Variants in SLC4A1 observed in about 807,000 individuals in gnomAD.
The protein encoded by SLC4A1 is band 3 anion transport protein.
In SLC4A1, 29 loss-of-function variants were observed where a neutral mutation model predicts 93.1. That is an observed-to-expected ratio of 0.31 (90% CI 0.23 to 0.42). SLC4A1 has a LOEUF of 0.42. Among genes scored for constraint, SLC4A1 ranks in the 20% least tolerant of loss-of-function variants. SLC4A1 has a pLI of 1.00. For synonymous variants in SLC4A1, 469 were observed against 497.2 expected (o/e 0.94, Z 0.76); for missense variants, 965 against 1,190.1 (o/e 0.81, Z 2.78).
chr17:44,258,223 G>T lies in SLC4A1; in HGVS notation c.1088-43C>A, dbSNP rs750927744. 6.3e-6 allele frequency: 10 copies of T among 1,585,374 alleles called. No individual in the cohort carries two copies. In the Admixed American group the frequency reaches 1.5e-4, roughly 24 times the overall value. ...AGCATGGTCAGAGGGAGTAGCTGGA[G>T]GAGGTGAGGGGAAAGGGGACTGGAG... is the stretch of plus-strand genomic sequence containing the variant. On this transcript the variant is annotated intron_variant, in intron 10 of 19. Coordinates refer to ENST00000262418, the MANE Select transcript of SLC4A1 (RefSeq NM_000342.4). The surrounding 1 kb of genome is among the most constrained non-coding windows in gnomAD (Gnocchi z 6.1).
chr17:44,256,477 A>G (rs1461435741), intron 13 of SLC4A1, among the ~76,000 whole-genome samples: 7 of 152,220 alleles, frequency 4.6e-5, no homozygotes, highest in Non-Finnish European at 8.8e-5. Flanking sequence ...GGGACAACAC[A>G]TAGGGCTCAC....
In SLC4A1 at chr17:44,267,158, A is replaced by G. The variant is rs571113211; in HGVS notation, c.-69+896T>C. On this transcript the variant is annotated intron_variant, in intron 1 of 19. Transcript: ENST00000262418. Reference sequence around the variant, plus strand: ...CCTGACTCCAGCCACATCCCTAAGCACTATGCTAAGTTGCCTCCAACAAAA... The same window carrying G: ...CCTGACTCCAGCCACATCCCTAAGCGCTATGCTAAGTTGCCTCCAACAAAA... Among the ~76,000 whole-genome samples the G allele has an allele frequency of 1.4e-4, 22 of 152,310 alleles. No homozygotes were observed. In the South Asian group the frequency reaches 4.4e-3, roughly 30 times the overall value.
intron 13 of SLC4A1, among the ~76,000 whole-genome samples, chr17:44,256,910 C>T (rs2047394045): frequency 6.6e-6 from 1 of 152,086 alleles, no homozygotes; most frequent in Non-Finnish European, 1.5e-5. Context: ...GTCATGTGCA[C>T]AGTCACATGG....
At chr17:44,254,457 T>TGCCCC in intron 16 of SLC4A1, 39 bp downstream of exon 16, 10 of 1,282,712 alleles carry the variant, frequency 7.8e-6, no homozygotes, top group Non-Finnish European at 6.7e-6. Context: ...GGTCCCTGCC[T>TGCCCC]CCCACCCTCC....
chr17:44,257,582 T>G, intron 12 of SLC4A1, 38 bp from the exon 13 acceptor site: 1 of 1,612,816 alleles, frequency 6.2e-7, no homozygotes, highest in Non-Finnish European at 8.5e-7. Context: ...AGTCAAAGGG[T>G]CTTGGGGCAA....
rs111683448 is a variant in SLC4A1, at chr17:44,258,662, C to T, written c.877-39G>A. On this transcript the variant is annotated intron_variant, in intron 9 of 19. Transcript: ENST00000262418. The surrounding 1 kb of genome is among the most constrained non-coding windows in gnomAD (Gnocchi z 6.1). ...ACAGGGTCAGAGCTGCCCGGACCTG[C>T]GGAGGGAAAGGACCCAGGAGTCCAC... 34 of 1,549,040 alleles carry T rather than the reference C, an allele frequency of 2.2e-5. No individual in the cohort carries two copies. Among genetic ancestry groups the T allele is most frequent in the African/African-American group, 8.2e-5 (6 of 72,992 alleles).
intron 16 of SLC4A1, 68 bp downstream of exon 16, chr17:44,254,428 T>G (rs2047370280): frequency 6.6e-7 from 1 of 1,505,000 alleles, no homozygotes; most frequent in African/African-American, 1.4e-5. Context: ...CTTGCCTGCC[T>G]GGGAGAATGC....
In SLC4A1 at chr17:44,260,783, G is replaced by A. The variant is rs768773486; in HGVS notation, c.201C>T (p.Asp67=). 17 of 1,613,286 alleles carry A rather than the reference G, an allele frequency of 1.1e-5. No homozygotes were observed. The highest frequency in any genetic ancestry group is 5.3e-5 in the African/African-American group (4 of 74,914). The change falls in exon 5 of 20, where the codon GAC becomes GAT. Residue 67 remains aspartate, a synonymous_variant. Coordinates refer to ENST00000262418, the MANE Select transcript of SLC4A1 (RefSeq NM_000342.4). ...TCCATCTCAGCTCCTGGTTCTTTTC[G>A]TCCATCACCAGCTCCTGCAGCTCCA... The part of the protein sequence containing the change: ...VYVELQELVM[D]EKNQELRWME...
In SLC4A1 at chr17:44,260,705, G is replaced by A. The variant is rs552527060; in HGVS notation, c.279C>T (p.Ala93=). ...QLEENLGENG[A]WGRPHLSHLT... ...GGTGAGAGAGGTGCGGGCGGCCCCAGGCCCCATTCTCCCCCAGGTTCTCCT... is the reference window on the plus strand; with the variant it reads ...GGTGAGAGAGGTGCGGGCGGCCCCAAGCCCCATTCTCCCCCAGGTTCTCCT... The change falls in exon 5 of 20, where the codon GCC becomes GCT. Residue 93 remains alanine, a synonymous_variant. Coordinates refer to ENST00000262418, the MANE Select transcript of SLC4A1 (RefSeq NM_000342.4). 20 of 1,614,160 alleles carry A rather than the reference G, an allele frequency of 1.2e-5. No homozygotes were observed. The African/African-American group carries it at 2.0e-4, about 16-fold the overall frequency.
intron 19 of SLC4A1, among the ~76,000 whole-genome samples, chr17:44,250,792 C>T (rs763901059): frequency 2.0e-5 from 3 of 152,184 alleles, no homozygotes; most frequent in Non-Finnish European, 4.4e-5. Context: ...TTCACCAAGG[C>T]GGCCCCACAG....
At position 44,251,489 on chromosome 17, in the gene SLC4A1, T is replaced by C; in HGVS notation, c.2411A>G (p.Gln804Arg). The C allele has an allele frequency of 6.2e-7, 1 of 1,614,154 alleles. No individual in the cohort carries two copies. Among genetic ancestry groups the C allele is most frequent in the Non-Finnish European group, 8.5e-7 (1 of 1,180,026 alleles). ...CAGAAGCAAGATGCGGTCAAAGAGCTGGATGCCGCTGAGCGACGTGACCCC... is the reference window on the plus strand; with the variant it reads ...CAGAAGCAAGATGCGGTCAAAGAGCCGGATGCCGCTGAGCGACGTGACCCC... ...YMGVTSLSGIQLFDRILLLFK... is the reference protein window; with the variant it reads ...YMGVTSLSGIRLFDRILLLFK... Residue 804 changes from glutamine to arginine, a missense_variant, in exon 18 of 20, where the codon CAG (glutamine) becomes CGG (arginine). Physicochemically the swap from Gln to Arg is conservative, Grantham distance 43 (BLOSUM62 1). This residue lies in a region of SLC4A1 where 770 missense variants were observed against 1,006.6 expected (regional missense o/e 0.76). Transcript: ENST00000262418.
rs779268657 is a variant in SLC4A1 at position 44,254,483 on chromosome 17, C to T, written c.2057+13G>A. The T allele has an allele frequency of 1.3e-6, 2 of 1,595,454 alleles. No homozygotes were observed. Among genetic ancestry groups the T allele is most frequent in the South Asian group, 2.2e-5 (2 of 90,664 alleles). On this transcript the variant is annotated intron_variant, in intron 16 of 19. Transcript: ENST00000262418. ...CCCACCCTCCCAGGCCCAGCCCCCACCCTGTCTCTCACGTGGTGATCTGAG... is the reference window on the plus strand; with the variant it reads ...CCCACCCTCCCAGGCCCAGCCCCCATCCTGTCTCTCACGTGGTGATCTGAG...
intron 1 of SLC4A1, 47 bp downstream of exon 1, chr17:44,268,007 G>T (rs986980486): frequency 3.2e-6 from 3 of 935,696 alleles, no homozygotes; most frequent in Non-Finnish European, 3.8e-6. Flanking sequence ...GAAGCCCTCA[G>T]GGCAGGCACC....
At chr17:44,262,764 C>T (rs1005104248) in intron 2 of SLC4A1, 38 bp from the exon 3 acceptor site, 7 of 1,606,378 alleles carry the variant, frequency 4.4e-6, no homozygotes, top group Non-Finnish European at 6.0e-6. Flanking sequence ...CTGTGAGGGG[C>T]TCTTCCACCC....
At chr17:44,259,391 GGTGT>G in intron 8 of SLC4A1, 47 bp from the exon 9 acceptor site, 1 of 1,610,934 alleles carries the variant, frequency 6.2e-7, no homozygotes. Context: ...GCCCAGGGTG[GGTGT>G]GCTGAAGAGA....
Position 44,268,050 on chromosome 17 carries a change from C to T in SLC4A1, c.-69+4G>A. On this transcript the variant is annotated splice_donor_region_variant and intron_variant, in intron 1 of 19. Coordinates refer to ENST00000262418, the MANE Select transcript of SLC4A1 (RefSeq NM_000342.4). ...CATCCCCAGCCCCTCCCTGCCCTGCCCACCTGCTCACGAGCCTCAGGGTCC... is the reference window on the plus strand; with the variant it reads ...CATCCCCAGCCCCTCCCTGCCCTGCTCACCTGCTCACGAGCCTCAGGGTCC... The T allele has an allele frequency of 3.0e-6, 3 of 985,212 alleles. No homozygotes were observed. The highest frequency in any genetic ancestry group is 3.6e-6 in the Non-Finnish European group (3 of 829,760). The allele number at this position is 985,212 out of a possible 1,614,324, so 61.0% of individuals were successfully genotyped here. A position where few individuals can be genotyped will look rare whatever the true frequency, so the allele number is the denominator to read the frequency against.
rs141240725 is a variant in SLC4A1 at position 44,262,159 on chromosome 17, T to A, written c.106+477A>T. On this transcript the variant is annotated intron_variant, in intron 3 of 19. Transcript: ENST00000262418. ...GGGCCTCTTAACTTTAATCCCAATC[T>A]CCAGCACTTAAGTCCTGTTGACAGT... 483 of 692,940 alleles carry A rather than the reference T, an allele frequency of 7.0e-4. 4 individuals are homozygous for A. In the African/African-American group the frequency reaches 9.1e-3, roughly 13 times the overall value. 42.9% of individuals were successfully genotyped at this position (692,940 alleles called of 1,614,324 possible). A position where few individuals can be genotyped will look rare whatever the true frequency, so the allele number is the denominator to read the frequency against.
In SLC4A1 at chr17:44,268,037, C is replaced by T. The variant is rs975074067; in HGVS notation, c.-69+17G>A. ...GGCACCGAAGGACCATCCCCAGCCC[C>T]TCCCTGCCCTGCCCACCTGCTCACG... On this transcript the variant is annotated intron_variant, in intron 1 of 19. Coordinates refer to ENST00000262418, the MANE Select transcript of SLC4A1 (RefSeq NM_000342.4). 2.0e-6 allele frequency: 2 copies of T among 982,436 alleles called. No homozygotes were observed. The highest frequency in any genetic ancestry group is 3.5e-5 in the African/African-American group (2 of 57,146). 60.9% of individuals were successfully genotyped at this position (982,436 alleles called of 1,614,324 possible).
rs1555596483 is a variant in SLC4A1, at chr17:44,259,162, C to T, written c.876+1G>A. 1 of 1,613,994 alleles carries T rather than the reference C, an allele frequency of 6.2e-7. No individual in the cohort carries two copies. Among genetic ancestry groups the T allele is most frequent in the Non-Finnish European group, 8.5e-7 (1 of 1,180,030 alleles). On this transcript the variant is annotated splice_donor_variant, in intron 9 of 19. Transcript: ENST00000262418. LOFTEE classifies it high-confidence loss of function. ...CCCAGCCCTCTCCGGCCCTTCCTTA[C>T]CCTCTCTGACATGAGGGTGGCAGCA...
Sources: gnomAD v4.1 joint callset for allele counts (sites outside exome capture counted in the v4.1 genomes callset) on GRCh38, gnomAD v4.1.1 for gene constraint, gnomAD v4.1.1 regional missense constraint, Gnocchi (gnomAD v3.1) non-coding constraint, MANE v1.5 for transcripts, NCBI Gene and HGNC (gene_info 2026-07-23, HGNC 2026-07-21) for gene names.